MAGT1: variants seen among roughly 807,000 people sequenced by gnomAD.
MAGT1 encodes magnesium transporter 1.
A neutral mutation model predicts 28.4 loss-of-function variants in MAGT1; 4 were observed. The observed-to-expected ratio is 0.14, with a 90% CI of 0.07 to 0.32. The LOEUF (loss-of-function observed/expected upper bound fraction) is 0.32. Among genes scored for constraint, MAGT1 ranks in the 10% least tolerant of loss-of-function variants. MAGT1 has a pLI of 1.00. For missense variants in MAGT1, 193 were observed against 264.5 expected, an observed-to-expected ratio of 0.73 and a Z score of 1.88; for synonymous variants, 89 against 89.7, an observed-to-expected ratio of 0.99 and a Z score of 0.04.
rs1367039309 is a variant in MAGT1 at position 77,827,120 on chromosome X, A to G, written c.*2100T>C. On this transcript the variant is annotated 3_prime_UTR_variant, in exon 10 of 10. Coordinates refer to ENST00000618282, the MANE Select transcript of MAGT1 (RefSeq NM_001367916.1). ...ATTTTTTCACAATTACAATTATCCT[A>G]TTTCCACAATAGTGGCATTTCAGGT... 1.8e-5 allele frequency: 2 copies of G among 111,776 alleles called. No homozygotes were observed. The highest frequency in any genetic ancestry group is 3.8e-5 in the Non-Finnish European group (2 of 53,171). 9.2% of individuals were successfully genotyped at this position (111,776 alleles called of 1,213,427 possible). A position where few individuals can be genotyped will look rare whatever the true frequency, so the allele number is the denominator to read the frequency against.
chrX:77,880,873 G>A (rs1450380053), intron 1 of MAGT1, among the ~76,000 whole-genome samples: 7 of 103,332 alleles, frequency 6.8e-5, no homozygotes, highest in Non-Finnish European at 1.9e-5. Flanking sequence ...CACTAGAATC[G>A]CTTGAACCCA....
chrX:77,840,302 G>C (rs1242368048), intron 8 of MAGT1, among the ~76,000 whole-genome samples: 2 of 107,626 alleles, frequency 1.9e-5, no homozygotes, highest in Admixed American at 1.0e-4. Flanking sequence ...CGGGCGTGGT[G>C]GTGGGCGCCT....
In MAGT1 at chrX:77,886,469, A is replaced by G. The variant is rs182166483; in HGVS notation, c.102+8840T>C. On this transcript the variant is annotated intron_variant, in intron 1 of 9. Coordinates refer to ENST00000618282, the MANE Select transcript of MAGT1 (RefSeq NM_001367916.1). The stretch of plus-strand genomic sequence containing the variant: ...TAGTGAGACTCTGTCTGTATTTTAT[A>G]AAATTAAAAAAAAAATGCAGACTTC... Among the ~76,000 whole-genome samples, 490 of 109,689 alleles carry G rather than the reference A, an allele frequency of 4.5e-3. 4 individuals carry two copies. The highest frequency in any genetic ancestry group is 0.015 in the African/African-American group (463 of 30,172).
chrX:77,870,501 G>A (rs782131637), intron 3 of MAGT1, among the ~76,000 whole-genome samples: 5 of 111,293 alleles, frequency 4.5e-5, no homozygotes, highest in East Asian at 2.8e-4. Flanking sequence ...GGTGGGACTC[G>A]TGCTGTGATT....
At position 77,868,029 on chromosome X, in the gene MAGT1, C is replaced by G. The variant is rs1557217012; in HGVS notation, c.390+2779G>C. On this transcript the variant is annotated intron_variant, in intron 3 of 9. Transcript: ENST00000618282. ...GCCTTGGAATGTAAAGGGGGTATGG[C>G]TATGACACACGTTGTACAAGAAGAT... The G allele has an allele frequency of 6.1e-5, 4 of 66,017 alleles. 1 individual carries two copies. The highest frequency in any genetic ancestry group is 1.4e-4 in the African/African-American group (4 of 28,405). 5.4% of individuals were successfully genotyped at this position (66,017 alleles called of 1,213,427 possible).
intron 3 of MAGT1, among the ~76,000 whole-genome samples, chrX:77,867,170 A>G (rs2077010323): frequency 1.5e-5 from 1 of 66,905 alleles, no homozygotes; most frequent in African/African-American, 3.5e-5. Flanking sequence ...GATGAATTGG[A>G]TCTGTTTAGG....
At chrX:77,841,851 A>ATTTT (rs34014897) in intron 7 of MAGT1, among the ~76,000 whole-genome samples, 14 of 80,023 alleles carry the variant, frequency 1.7e-4, no homozygotes, top group Admixed American at 6.9e-4. Context: ...AAATTCTGTA[A>ATTTT]TTTTTTTTTT....
At chrX:77,876,164 A>ATAT (rs1557217807) in intron 1 of MAGT1, among the ~76,000 whole-genome samples, 5 of 24,967 alleles carry the variant, frequency 2.0e-4, no homozygotes, top group African/African-American at 5.9e-4. Context: ...ATATATATAT[A>ATAT]TTTTTTTTTT....
intron 7 of MAGT1, among the ~76,000 whole-genome samples, chrX:77,843,729 C>T (rs1368568031): frequency 1.8e-5 from 2 of 111,591 alleles, no homozygotes; most frequent in Non-Finnish European, 3.8e-5. Context: ...TACATGTGCA[C>T]ATCATGCAGG....
chrX:77,836,106 G>A (rs1217466616), intron 8 of MAGT1, among the ~76,000 whole-genome samples: 1 of 110,914 alleles, frequency 9.0e-6, no homozygotes, highest in Non-Finnish European at 1.9e-5. Context: ...GCCCAGCCTT[G>A]GAAGTCATTA....
At chrX:77,852,588 G>T (rs1370888159) in intron 7 of MAGT1, among the ~76,000 whole-genome samples, 1 of 109,232 alleles carries the variant, frequency 9.2e-6, no homozygotes, top group Non-Finnish European at 1.9e-5. Context: ...TTTAAGTTTC[G>T]TTTTTTTTCC....
At chrX:77,844,331 T>G (rs1461648719) in intron 7 of MAGT1, among the ~76,000 whole-genome samples, 1 of 111,682 alleles carries the variant, frequency 9.0e-6, no homozygotes, top group Non-Finnish European at 1.9e-5. Flanking sequence ...TATTTGATTC[T>G]TCTCTCTTTT....
intron 2 of MAGT1, among the ~76,000 whole-genome samples, chrX:77,871,807 A>T (rs2149024007): frequency 9.1e-6 from 1 of 109,817 alleles, no homozygotes; most frequent in Admixed American, 9.8e-5. Context: ...ACACCACTGC[A>T]CTCCAGCCTG....
chrX:77,841,224 C>T (rs782142705), intron 8 of MAGT1, 22 bp downstream of exon 8: 19 of 1,136,303 alleles, frequency 1.7e-5, no homozygotes, highest in Admixed American at 2.2e-5. Flanking sequence ...AGCACTGTTA[C>T]ATTTTGAGTA....
At chrX:77,850,432 T>C (rs2076964014) in intron 7 of MAGT1, among the ~76,000 whole-genome samples, 2 of 84,320 alleles carry the variant, frequency 2.4e-5, no homozygotes, top group South Asian at 1.3e-3. Context: ...ACCAAGATGG[T>C]GCCACTGCAC....
chrX:77,836,801 T>C (rs1557213953), intron 8 of MAGT1, among the ~76,000 whole-genome samples: 1 of 110,647 alleles, frequency 9.0e-6, no homozygotes, highest in Non-Finnish European at 1.9e-5. Flanking sequence ...AAGGCTGAGG[T>C]GGGAGGATCA....
intron 5 of MAGT1, among the ~76,000 whole-genome samples, chrX:77,855,853 C>G (rs908224332): frequency 9.1e-6 from 1 of 109,310 alleles, no homozygotes; most frequent in Non-Finnish European, 1.9e-5. Context: ...TCACTGCAAC[C>G]TCCGCCTCCC....
In MAGT1 at chrX:77,895,395, G is replaced by T. The variant is rs140854076; in HGVS notation, c.16C>A (p.Arg6=). The T allele has an allele frequency of 4.1e-6, 5 of 1,211,646 alleles. No homozygotes were observed. Among genetic ancestry groups the T allele is most frequent in the East Asian group, 3.0e-5 (1 of 33,835 alleles). Reference sequence around the variant, plus strand: ...ATGGTCACAGAGACACACCAAAACCGCCAACGCGCTGCCATGTTCGCTCCT... The same window carrying T: ...ATGGTCACAGAGACACACCAAAACCTCCAACGCGCTGCCATGTTCGCTCCT... MAARW[R]FWCVSVTMVV... Residue 6 remains arginine, a synonymous_variant, in exon 1 of 10, where the codon CGG becomes AGG. Transcript: ENST00000618282.
intron 8 of MAGT1, among the ~76,000 whole-genome samples, chrX:77,832,845 A>AG (rs1242566122): frequency 1.8e-4 from 20 of 108,440 alleles, no homozygotes; most frequent in Non-Finnish European, 3.4e-4. Context: ...AAAAAAAAAA[A>AG]AAAAGAAAAG....
Sources: allele counts gnomAD v4.1 joint callset (sites outside exome capture counted in the v4.1 genomes callset), GRCh38; gene constraint gnomAD v4.1.1; transcripts MANE v1.5; gene names NCBI Gene and HGNC (gene_info 2026-07-23, HGNC 2026-07-21).